MYO1A: variants seen among roughly 807,000 people sequenced by gnomAD.
MYO1A encodes the protein unconventional myosin-Ia.
MYO1A carries 127 observed loss-of-function variants against 138.5 expected under a neutral mutation model. That is an observed-to-expected ratio of 0.92 (90% CI 0.79 to 1.06). MYO1A has a LOEUF of 1.06. MYO1A is among the 50% of genes least tolerant of loss of function. The pLI is 0.00. For missense variants in MYO1A, 1,211 were observed against 1,288.8 expected (o/e 0.94, Z 0.92); for synonymous variants, 477 against 497.5 (o/e 0.96, Z 0.55).
In MYO1A at chr12:57,028,530, G is replaced by T; in HGVS notation, c.*225C>A. ...ACCCACCCTGACTGAACCTTTCCAA[G>T]CCACATGTTTTATTAGTGTGCAGAG... On this transcript the variant is annotated 3_prime_UTR_variant, in exon 28 of 28. Coordinates refer to ENST00000300119, the MANE Select transcript of MYO1A (RefSeq NM_005379.4). 1.8e-6 allele frequency: 1 copy of T among 554,408 alleles called. No individual in the cohort carries two copies. The highest frequency in any genetic ancestry group is 3.1e-6 in the Non-Finnish European group (1 of 317,674). The allele number at this position is 554,408 out of a possible 1,614,324, so 34.3% of individuals were successfully genotyped here.
chr12:57,031,038 G>A lies in MYO1A; in HGVS notation c.2484+2C>T. 6.2e-7 allele frequency: 1 copy of A among 1,613,696 alleles called. No homozygotes were observed. The highest frequency in any genetic ancestry group is 8.5e-7 in the Non-Finnish European group (1 of 1,179,906). On this transcript the variant is annotated splice_donor_variant, in intron 23 of 27. Coordinates refer to ENST00000300119, the MANE Select transcript of MYO1A (RefSeq NM_005379.4). LOFTEE classifies it low-confidence loss of function (GC_TO_GT_DONOR). ...GAGGAGGGGTGCCTGGGCTCCACTT[G>A]CCTTCCACTGGTAGAAGAGCTGCTG... is the stretch of plus-strand genomic sequence containing the variant.
intron 1 of MYO1A, among the ~76,000 whole-genome samples, chr12:57,048,873 G>A (rs550837523): frequency 1.3e-5 from 2 of 152,210 alleles, no homozygotes; most frequent in African/African-American, 2.4e-5. Flanking sequence ...TTCTTCCAAA[G>A]GTCTCTCCTT....
rs1439159777 is a variant in MYO1A, at chr12:57,047,404, G to GC, written c.328dup (p.Ala110GlyfsTer30). 1 of 1,614,022 alleles carries GC rather than the reference G, an allele frequency of 6.2e-7. No individual in the cohort carries two copies. The highest frequency in any genetic ancestry group is 2.2e-5 in the East Asian group (1 of 44,866). On this transcript the variant is annotated frameshift_variant, in exon 5 of 28. Transcript: ENST00000300119. LOFTEE classifies it high-confidence loss of function. ...CACATAAGACATCACCAGCTTGCTG[G>GC]CCTCTGTGCAGGCAAAACGCTCTCA...
intron 8 of MYO1A, among the ~76,000 whole-genome samples, chr12:57,044,546 G>A (rs2031010466): frequency 6.6e-6 from 1 of 152,048 alleles, no homozygotes; most frequent in African/African-American, 2.4e-5. Flanking sequence ...ATGCCACCAC[G>A]CCTGGCTAAT....
chr12:57,046,834 C>T (rs766474850), intron 7 of MYO1A, 29 bp downstream of exon 7: 7 of 1,611,320 alleles, frequency 4.3e-6, no homozygotes, highest in Middle Eastern at 3.3e-4. Flanking sequence ...AGGTGGAAGA[C>T]AGGTGAGTGG....
At position 57,031,193 on chromosome 12, in the gene MYO1A, G is replaced by A; in HGVS notation, c.2350-19C>T. The stretch of plus-strand genomic sequence containing the variant: ...TCTGTACCTAGTTTGGGACCAGGGG[G>A]ATTGGGAGTGGAGTGATAAGAAACA... On this transcript the variant is annotated intron_variant, in intron 22 of 27. Coordinates refer to ENST00000300119, the MANE Select transcript of MYO1A (RefSeq NM_005379.4). The A allele has an allele frequency of 6.2e-7, 1 of 1,614,090 alleles. No individual in the cohort carries two copies. Among genetic ancestry groups the A allele is most frequent in the Non-Finnish European group, 8.5e-7 (1 of 1,179,984 alleles).
In MYO1A at chr12:57,044,111, C is replaced by A; in HGVS notation, c.739G>T (p.Val247Leu). ...GCCTCACCCTGGGCACCCACCTGTA[C>A]AGCCCTGAAGCTGGAGGCGTCGTCC... ...GMDDASSFRAVQSAMAVIGFS... is the reference protein window; with the variant it reads ...GMDDASSFRALQSAMAVIGFS... Residue 247 changes from valine to leucine, a missense_variant, in exon 9 of 28, where the codon GTA becomes TTA. Physicochemically the swap from Val to Leu is conservative, Grantham distance 32. Transcript: ENST00000300119. 6.2e-7 allele frequency: 1 copy of A among 1,614,210 alleles called. No individual in the cohort carries two copies. The highest frequency in any genetic ancestry group is 8.5e-7 in the Non-Finnish European group (1 of 1,180,038).
rs368985727 is a variant in MYO1A, at chr12:57,038,512, G to A, written c.1660C>T (p.Gln554Ter). Residue 554 changes from glutamine (Q) to a stop codon, truncating the protein, a stop_gained, in exon 17 of 28, where the codon CAG becomes TAG. Transcript: ENST00000300119. LOFTEE classifies it high-confidence loss of function. Reference sequence around the variant, plus strand: ...GTCGGGGGGCGTTTGAGAGATGCCTGCTTAGGATTGCCCTCAGGAAACAAG... The same window carrying A: ...GTCGGGGGGCGTTTGAGAGATGCCTACTTAGGATTGCCCTCAGGAAACAAG... Reference protein sequence around the residue: ...RSLFPEGNPKQASLKRPPTAG... With the variant: ...RSLFPEGNPK 1 of 1,614,206 alleles carries A rather than the reference G, an allele frequency of 6.2e-7. No homozygotes were observed. The highest frequency in any genetic ancestry group is 2.2e-5 in the East Asian group (1 of 44,888).
Position 57,029,138 on chromosome 12 carries a change from G to C in MYO1A, c.2999C>G (p.Thr1000Ser). The C allele has an allele frequency of 6.2e-7, 1 of 1,614,122 alleles. No individual in the cohort carries two copies. The highest frequency in any genetic ancestry group is 1.6e-4 in the Middle Eastern group (1 of 6,062). ...ATQRQLTVTV[T>S]EKFSVRFKEN... ...CCCCAGTTCATGGCCTCACTTCTCA[G>C]TCACGGTGACTGTAAGCTGCCTCTG... The change falls in exon 27 of 28, where the codon ACT becomes AGT. Residue 1000 changes from threonine to serine, a missense_variant. Transcript: ENST00000300119.
In MYO1A at chr12:57,047,356, T is replaced by C. The variant is rs749042781; in HGVS notation, c.377A>G (p.Glu126Gly). The part of the protein sequence containing the change: ...SYVAAVCGKG[E>G]QVNSVKEQLL... ...CTGCTCCTTCACAGAGTTCACCTGC[T>C]CTCCTTTCCCACAGACGGCAGCCAC... The change falls in exon 5 of 28, where the codon GAG (glutamate) becomes GGG (glycine). Residue 126 changes from glutamate to glycine, a missense_variant. Glu to Gly is a moderately conservative substitution (Grantham distance 98). Transcript: ENST00000300119. 4.3e-6 allele frequency: 7 copies of C among 1,613,952 alleles called. No homozygotes were observed. The highest frequency in any genetic ancestry group is 5.9e-6 in the Non-Finnish European group (7 of 1,180,012).
At chr12:57,030,041 G>A (rs2030199671) in intron 24 of MYO1A, 169 bp from the exon 25 acceptor site, 1 of 1,319,414 alleles carries the variant, frequency 7.6e-7, no homozygotes, top group Non-Finnish European at 1.1e-6. Context: ...CTGGGGAGTT[G>A]TTAGAAAGGC....
chr12:57,042,387 T>C (rs1325999102), intron 12 of MYO1A, among the ~76,000 whole-genome samples: 1 of 152,246 alleles, frequency 6.6e-6, no homozygotes, highest in Non-Finnish European at 1.5e-5. Context: ...TCTTCATCAG[T>C]TGATGGACAT....
At chr12:57,038,154 G>T (rs779802748) in intron 17 of MYO1A, 85 bp from the exon 18 acceptor site, 1 of 1,478,920 alleles carries the variant, frequency 6.8e-7, no homozygotes, top group South Asian at 1.1e-5. Flanking sequence ...TGCTGCACAC[G>T]GTGCACTTCA....
At chr12:57,047,581 C>A (rs1471957678) in intron 4 of MYO1A, 46 bp downstream of exon 4, 7 of 1,594,236 alleles carry the variant, frequency 4.4e-6, no homozygotes, top group Non-Finnish European at 6.0e-6. Context: ...GACAAGGAAG[C>A]AGTTCCAGAG....
intron 14 of MYO1A, among the ~76,000 whole-genome samples, chr12:57,040,070 G>C (rs2030789814): frequency 6.6e-6 from 1 of 152,198 alleles, no homozygotes; most frequent in African/African-American, 2.4e-5. Context: ...AGACGCTCCA[G>C]GCTGGGACAT....
intron 24 of MYO1A, 68 bp from the exon 25 acceptor site, chr12:57,029,940 C>T: frequency 9.3e-6 from 15 of 1,611,474 alleles, no homozygotes; most frequent in Non-Finnish European, 1.1e-5. Flanking sequence ...CCAGAGTTCC[C>T]ATCCTAGTCC....
At chr12:57,047,003 A>C (rs2031129261) in intron 6 of MYO1A, 58 bp downstream of exon 6, 1 of 1,611,104 alleles carries the variant, frequency 6.2e-7, no homozygotes, top group African/African-American at 1.3e-5. Context: ...TCTGTGCCAC[A>C]TTCCTCCCTC....
At chr12:57,045,189 T>G (rs920622944) in intron 8 of MYO1A, among the ~76,000 whole-genome samples, 3 of 152,238 alleles carry the variant, frequency 2.0e-5, no homozygotes, top group Admixed American at 6.5e-5. Context: ...TGTGTGCCTT[T>G]CTGGCATGCA....
rs778321558 is a variant in MYO1A at position 57,031,061 on chromosome 12, C to T, written c.2463G>A (p.Gln821=). The T allele has an allele frequency of 9.3e-6, 15 of 1,613,940 alleles. No individual in the cohort carries two copies. In the Admixed American group the frequency reaches 2.2e-4, roughly 23 times the overall value. ...KCLSTANQEL[Q]QLFYQWKCKR... ...TTGCCTTCCACTGGTAGAAGAGCTGCTGCAGCTCCTGATTTGCTGTGCTGA... is the reference window on the plus strand; with the variant it reads ...TTGCCTTCCACTGGTAGAAGAGCTGTTGCAGCTCCTGATTTGCTGTGCTGA... Residue 821 remains glutamine, a synonymous_variant, in exon 23 of 28, where the codon CAG becomes CAA. Transcript: ENST00000300119.
Sources: allele counts gnomAD v4.1 joint callset (sites outside exome capture counted in the v4.1 genomes callset), GRCh38; gene constraint gnomAD v4.1.1; transcripts MANE v1.5; gene names NCBI Gene and HGNC (gene_info 2026-07-23, HGNC 2026-07-21).